Variants in MAPK10 observed in about 807,000 individuals in gnomAD.
MAPK10 encodes the protein JNK3 alpha protein kinase.
In MAPK10, 25 loss-of-function variants were observed where a neutral mutation model predicts 59.3. The observed-to-expected ratio is 0.42, with a 90% CI of 0.31 to 0.59. MAPK10 has a LOEUF of 0.59. Ranked by LOEUF, MAPK10 falls within the 20% of genes least tolerant of loss-of-function variation. The probability of loss-of-function intolerance (pLI) is 0.15; values close to 1 mark genes in which losing one functional copy is unlikely to be tolerated. For synonymous variants in MAPK10, 190 were observed against 200.5 expected (o/e 0.95, Z 0.44); for missense variants, 351 against 568.9 (o/e 0.62, Z 3.90).
At chr4:86,484,995 G>A (rs554755461) in intron 1 of MAPK10, among the ~76,000 whole-genome samples, 64 of 152,348 alleles carry the variant, frequency 4.2e-4, no homozygotes, top group African/African-American at 1.5e-3. Context: ...GTGGTTATGT[G>A]TAGTAAGATA....
chr4:86,213,869 A>G (rs2086581228), intron 2 of MAPK10, among the ~76,000 whole-genome samples: 1 of 152,110 alleles, frequency 6.6e-6, no homozygotes, highest in African/African-American at 2.4e-5. Context: ...GACTCATTCT[A>G]TGAGACCAAC....
intron 1 of MAPK10, among the ~76,000 whole-genome samples, chr4:86,462,233 A>G (rs1483750361): frequency 2.0e-5 from 3 of 152,250 alleles, no homozygotes; most frequent in Non-Finnish European, 4.4e-5. Flanking sequence ...AGGAAGGTCT[A>G]GTTTAAATTT....
At chr4:86,173,401 G>A (rs9762814) in intron 3 of MAPK10, among the ~76,000 whole-genome samples, 12,896 of 152,146 alleles carry the variant, frequency 0.085, 1,212 homozygotes, top group African/African-American at 0.23. Context: ...ATGGTGCTGG[G>A]AGAACTCACT....
intron 2 of MAPK10, among the ~76,000 whole-genome samples, chr4:86,350,161 C>T (rs1730462042): frequency 6.6e-6 from 1 of 152,128 alleles, no homozygotes; most frequent in African/African-American, 2.4e-5. Context: ...AAGCGATTCT[C>T]CTGCCTCAGC....
intron 1 of MAPK10, among the ~76,000 whole-genome samples, chr4:86,477,860 T>C (rs1452904377): frequency 1.3e-5 from 2 of 152,180 alleles, no homozygotes; most frequent in Non-Finnish European, 2.9e-5. Context: ...ACTATTCCTT[T>C]GCACCCTTCG....
In MAPK10 at chr4:86,211,123, T is replaced by C. The variant is rs1048124939; in HGVS notation, c.-6-16716A>G. ...ATTAAGTGAACCAACTTACACATTG[T>C]GGAGTTTCAAAAGAAGAAGAGAGAG... is the stretch of plus-strand genomic sequence containing the variant. On this transcript the variant is annotated intron_variant, in intron 2 of 13. Transcript: ENST00000641462. Among the ~76,000 whole-genome samples the C allele has an allele frequency of 4.6e-5, 7 of 152,000 alleles. 1 individual carries two copies. Among genetic ancestry groups the C allele is most frequent in the African/African-American group, 1.7e-4 (7 of 41,522 alleles).
At position 86,147,208 on chromosome 4, in the gene MAPK10, G is replaced by A. The variant is rs572402928; in HGVS notation, c.236+12090C>T. 2.6e-5 allele frequency among the ~76,000 whole-genome samples: 4 copies of A among 151,752 alleles called. No individual in the cohort carries two copies. In the South Asian group the frequency reaches 8.3e-4, roughly 32 times the overall value. On this transcript the variant is annotated intron_variant, in intron 4 of 13. Coordinates refer to ENST00000641462, the MANE Select transcript of MAPK10 (RefSeq NM_138982.4). ...TACAAGGGATTCTCCCACCTCAGCC[G>A]CAGGAGTCGCTGACACCACAGGCAC...
chr4:86,174,324 A>G (rs2075159991), intron 3 of MAPK10, among the ~76,000 whole-genome samples: 1 of 152,214 alleles, frequency 6.6e-6, no homozygotes, highest in Admixed American at 6.5e-5. Flanking sequence ...TTGCAGGGAC[A>G]TGCATGAAGC....
intron 2 of MAPK10, among the ~76,000 whole-genome samples, chr4:86,293,374 T>C (rs550102659): frequency 2.6e-5 from 4 of 152,286 alleles, no homozygotes; most frequent in Admixed American, 2.0e-4. Flanking sequence ...TTTGATCAGG[T>C]CTACTTAGTC....
chr4:86,284,552 A>T (rs901751422), intron 2 of MAPK10, among the ~76,000 whole-genome samples: 16 of 152,126 alleles, frequency 1.1e-4, no homozygotes, highest in African/African-American at 3.9e-4. Context: ...TCTGTGCCTC[A>T]GTTTCCTTGT....
chr4:86,093,852 C>A (rs1044307988), intron 9 of MAPK10, among the ~76,000 whole-genome samples: 1 of 151,708 alleles, frequency 6.6e-6, no homozygotes, highest in Non-Finnish European at 1.5e-5. Flanking sequence ...AAAATGTATT[C>A]TTTTAAACAA....
chr4:86,094,400 C>T (rs2053840846), intron 9 of MAPK10, among the ~76,000 whole-genome samples: 2 of 152,022 alleles, frequency 1.3e-5, no homozygotes, highest in South Asian at 2.1e-4. Context: ...CAGCTGTTAG[C>T]TTTGGATATA....
chr4:86,589,811 C>T (rs1028741388), intron 1 of MAPK10, among the ~76,000 whole-genome samples: 2 of 151,574 alleles, frequency 1.3e-5, no homozygotes, highest in African/African-American at 2.4e-5. Context: ...CTTGAAACCC[C>T]GTCTCTACTA....
At chr4:86,498,634 A>T (rs1345859487) in intron 1 of MAPK10, among the ~76,000 whole-genome samples, 6 of 152,240 alleles carry the variant, frequency 3.9e-5, no homozygotes, top group Admixed American at 2.6e-4. Flanking sequence ...GAGTTGACTC[A>T]TAACAGCACT....
At chr4:86,094,870 T>G (rs1453406291) in intron 9 of MAPK10, among the ~76,000 whole-genome samples, 1 of 151,874 alleles carries the variant, frequency 6.6e-6, no homozygotes, top group Non-Finnish European at 1.5e-5. Context: ...CTCTCTAACT[T>G]GAAAGTCAGC....
intron 4 of MAPK10, among the ~76,000 whole-genome samples, chr4:86,130,445 A>T (rs561186009): frequency 6.6e-6 from 1 of 152,268 alleles, no homozygotes; most frequent in East Asian, 1.9e-4. Flanking sequence ...TAATTAGGTC[A>T]AAAGGAGAAA....
At chr4:86,216,295 C>CATATATATATATATATATATATAGCATAT (rs2087589317) in intron 2 of MAPK10, among the ~76,000 whole-genome samples, 1 of 131,162 alleles carries the variant, frequency 7.6e-6, no homozygotes, top group African/African-American at 3.2e-5. Flanking sequence ...ATATATATAG[C>CATATATATATATATATATATATAGCATAT]ATATATATAT....
chr4:86,323,264 C>G (rs2095943325), intron 2 of MAPK10, among the ~76,000 whole-genome samples: 1 of 152,148 alleles, frequency 6.6e-6, no homozygotes, highest in Non-Finnish European at 1.5e-5. Context: ...TTTCTTTGCT[C>G]TCTTCCTTAC....
intron 3 of MAPK10, among the ~76,000 whole-genome samples, chr4:86,187,889 G>C (rs12511602): frequency 0.085 from 12,929 of 152,056 alleles, 1,217 homozygotes; most frequent in African/African-American, 0.23. Context: ...ATCTACATTA[G>C]GTGTTTCTCC....
Sources: allele counts gnomAD v4.1 joint callset (sites outside exome capture counted in the v4.1 genomes callset), GRCh38; gene constraint gnomAD v4.1.1; transcripts MANE v1.5; gene names NCBI Gene and HGNC (gene_info 2026-07-23, HGNC 2026-07-21).